Variants in EFCAB13 observed in about 807,000 individuals in gnomAD.
EFCAB13 encodes the protein EF-hand calcium-binding domain-containing protein 13.
A neutral mutation model predicts 110.2 loss-of-function variants in EFCAB13; 91 were observed. That is an observed-to-expected ratio of 0.83 (90% CI 0.70 to 0.98). The LOEUF (loss-of-function observed/expected upper bound fraction) is 0.98. Ranked by LOEUF, EFCAB13 falls within the 50% of genes least tolerant of loss-of-function variation. EFCAB13 has a pLI of 0.00. For synonymous variants in EFCAB13, 323 were observed against 369.9 expected, an observed-to-expected ratio of 0.87 and a Z score of 1.45; for missense variants, 968 against 1,119.4, an observed-to-expected ratio of 0.86 and a Z score of 1.93.
chr17:47,411,777 AATTG>A (rs1412048866), intron 21 of EFCAB13, among the ~76,000 whole-genome samples: 1 of 152,160 alleles, frequency 6.6e-6, no homozygotes, highest in African/African-American at 2.4e-5. Context: ...TTGAGGGAGA[AATTG>A]ATTGAGAAAT....
chr17:47,437,920 C>T (rs1683484244), intron 24 of EFCAB13, among the ~76,000 whole-genome samples: 1 of 151,928 alleles, frequency 6.6e-6, no homozygotes, highest in African/African-American at 2.4e-5. Flanking sequence ...GATGTGTTTC[C>T]AGGATTTGTT....
chr17:47,418,102 G>T (rs1158283786), intron 23 of EFCAB13, among the ~76,000 whole-genome samples: 2 of 152,134 alleles, frequency 1.3e-5, no homozygotes, highest in Non-Finnish European at 2.9e-5. Context: ...TCTAGAAAAA[G>T]AATTCTGGTT....
At position 47,370,238 on chromosome 17, in the gene EFCAB13, A is replaced by G. The variant is rs189254575; in HGVS notation, c.806-199A>G. On this transcript the variant is annotated intron_variant, in intron 10 of 24. Coordinates refer to ENST00000331493, the MANE Select transcript of EFCAB13 (RefSeq NM_152347.5). Reference sequence around the variant, plus strand: ...GATGAAAAACTCTTTTATTAAGGAGAAAAGACCATGGTCTTACTCTTATGT... The same window carrying G: ...GATGAAAAACTCTTTTATTAAGGAGGAAAGACCATGGTCTTACTCTTATGT... Among the ~76,000 whole-genome samples the G allele has an allele frequency of 2.9e-4, 44 of 152,330 alleles. No individual in the cohort carries two copies. The East Asian group carries it at 8.5e-3, about 29-fold the overall frequency.
intron 23 of EFCAB13, among the ~76,000 whole-genome samples, chr17:47,416,917 A>G (rs1904470801): frequency 1.3e-5 from 2 of 152,200 alleles, no homozygotes; most frequent in South Asian, 2.1e-4. Context: ...GGGTAAGTGG[A>G]TACTTTTGCT....
chr17:47,325,948 A>ATATATATATATG (rs1567776886), intron 2 of EFCAB13, among the ~76,000 whole-genome samples: 1 of 87,768 alleles, frequency 1.1e-5, no homozygotes, highest in East Asian at 3.4e-4. Flanking sequence ...ATATATATAT[A>ATATATATATATG]TATATATATA....
rs1255869334 is a variant in EFCAB13, at chr17:47,431,521, T to G, written c.2638+1560T>G. ...AAAATTTTTCTGATTTCTGTTGTCA[T>G]TTTTTCTTCAACTCATGGTTTTAGA... On this transcript the variant is annotated intron_variant, in intron 24 of 24. Coordinates refer to ENST00000331493, the MANE Select transcript of EFCAB13 (RefSeq NM_152347.5). The surrounding 1 kb of genome is among the most constrained non-coding windows in gnomAD (Gnocchi z 4.1). Among the ~76,000 whole-genome samples the G allele has an allele frequency of 2.0e-5, 3 of 152,052 alleles. No homozygotes were observed. Among genetic ancestry groups the G allele is most frequent in the Non-Finnish European group, 4.4e-5 (3 of 67,984 alleles).
intron 9 of EFCAB13, among the ~76,000 whole-genome samples, chr17:47,352,889 G>A (rs911758044): frequency 1.3e-5 from 2 of 152,142 alleles, no homozygotes; most frequent in Non-Finnish European, 2.9e-5. Context: ...CTTGATACTA[G>A]TGTATAGAAA....
intron 9 of EFCAB13, among the ~76,000 whole-genome samples, chr17:47,360,782 C>T (rs908503034): frequency 6.6e-6 from 1 of 151,968 alleles, no homozygotes; most frequent in African/African-American, 2.4e-5. Context: ...GTCTTTAATC[C>T]ATCTTGAATT....
At position 47,344,245 on chromosome 17, in the gene EFCAB13, C is replaced by T. The variant is rs774234656; in HGVS notation, c.387C>T (p.Ser129=). Residue 129 remains serine, a synonymous_variant, in exon 7 of 25, where the codon AGC becomes AGT. Transcript: ENST00000331493. ...TATGCAAGTTGCCGAATCAGTACAGCGTTCACAAGACTTCATCACCTCTTT... is the reference window on the plus strand; with the variant it reads ...TATGCAAGTTGCCGAATCAGTACAGTGTTCACAAGACTTCATCACCTCTTT... ...NSLCKLPNQY[S]VHKTSSPLCT... The T allele has an allele frequency of 5.0e-5, 81 of 1,612,860 alleles. No individual in the cohort carries two copies. In the East Asian group the frequency reaches 1.7e-3, roughly 34 times the overall value.
At chr17:47,406,268 T>C (rs1305222855) in intron 20 of EFCAB13, among the ~76,000 whole-genome samples, 1 of 152,076 alleles carries the variant, frequency 6.6e-6, no homozygotes, top group Non-Finnish European at 1.5e-5. Context: ...CACACCACCA[T>C]GCCTGGCTAA....
In EFCAB13 at chr17:47,335,075, C is replaced by A. The variant is rs769715689; in HGVS notation, c.31-121C>A. On this transcript the variant is annotated intron_variant, in intron 4 of 24. Transcript: ENST00000331493. ...GAGTAAAACCTTTTTCAACAAAATT[C>A]TCTTCGGTAGCACTATTTGAGAAAG... 234 of 1,125,544 alleles carry A rather than the reference C, an allele frequency of 2.1e-4. No individual in the cohort carries two copies. In the Middle Eastern group the frequency reaches 7.2e-3, roughly 35 times the overall value. The allele number at this position is 1,125,544 out of a possible 1,614,324, so 69.7% of individuals were successfully genotyped here.
rs1205363326 is a variant in EFCAB13, at chr17:47,391,416, A to G, written c.1583-21A>G. On this transcript the variant is annotated intron_variant, in intron 14 of 24. Coordinates refer to ENST00000331493, the MANE Select transcript of EFCAB13 (RefSeq NM_152347.5). ...TTTTGACTTATATTTAATACTTATT[A>G]GCATACTCCTTTATTTTTAGCGTTG... The G allele has an allele frequency of 4.6e-6, 7 of 1,508,426 alleles. No individual in the cohort carries two copies. In the South Asian group the frequency reaches 8.4e-5, roughly 18 times the overall value. The allele number at this position is 1,508,426 out of a possible 1,614,324, so 93.4% of individuals were successfully genotyped here. A position where few individuals can be genotyped will look rare whatever the true frequency, so the allele number is the denominator to read the frequency against.
At position 47,409,350 on chromosome 17, in the gene EFCAB13, C is replaced by T. The variant is rs542153455; in HGVS notation, c.2234-297C>T. Reference sequence around the variant, plus strand: ...TAATTAAGGATTTTATTGAATAGACCGGCTGGGGATTAACTTCTCCCCTTA... The same window carrying T: ...TAATTAAGGATTTTATTGAATAGACTGGCTGGGGATTAACTTCTCCCCTTA... On this transcript the variant is annotated intron_variant, in intron 20 of 24. Transcript: ENST00000331493. 366 of 288,274 alleles carry T rather than the reference C, an allele frequency of 1.3e-3. 1 individual carries two copies. In the Middle Eastern group the frequency reaches 0.017, roughly 13 times the overall value. The allele number at this position is 288,274 out of a possible 1,614,324, so 17.9% of individuals were successfully genotyped here.
chr17:47,430,728 C>A (rs551703910), intron 24 of EFCAB13: 1 of 152,066 alleles, frequency 6.6e-6, no homozygotes, highest in Non-Finnish European at 1.5e-5. Context: ...GTAATGCTAT[C>A]CTCATTTTAA....
At chr17:47,400,497 G>A (rs942177261) in intron 17 of EFCAB13, among the ~76,000 whole-genome samples, 15 of 152,138 alleles carry the variant, frequency 9.9e-5, no homozygotes, top group African/African-American at 3.6e-4. Flanking sequence ...GGGTCCCTTG[G>A]TAAACAGGTC....
At chr17:47,419,913 C>CCCCGCT (rs1555587917) in intron 23 of EFCAB13, among the ~76,000 whole-genome samples, 1 of 149,390 alleles carries the variant, frequency 6.7e-6, no homozygotes, top group Non-Finnish European at 1.5e-5. Flanking sequence ...TAAGAAATGT[C>CCCCGCT]CCCTCTCCCT....
Position 47,404,551 on chromosome 17 carries a change from T to C in EFCAB13, c.2162-11T>C, listed in dbSNP as rs1485245359. On this transcript the variant is annotated splice_polypyrimidine_tract_variant and intron_variant, in intron 19 of 24. Coordinates refer to ENST00000331493, the MANE Select transcript of EFCAB13 (RefSeq NM_152347.5). Reference sequence around the variant, plus strand: ...GGGTTCTTGTTTGTCATCTCTCTCTTTTCCTTGCAGAAGATAACATGGTGA... The same window carrying C: ...GGGTTCTTGTTTGTCATCTCTCTCTCTTCCTTGCAGAAGATAACATGGTGA... 1.2e-6 allele frequency: 2 copies of C among 1,609,546 alleles called. No homozygotes were observed. Among genetic ancestry groups the C allele is most frequent in the Non-Finnish European group, 1.7e-6 (2 of 1,177,720 alleles).
At chr17:47,358,178 G>A (rs913020706) in intron 9 of EFCAB13, among the ~76,000 whole-genome samples, 1 of 152,066 alleles carries the variant, frequency 6.6e-6, no homozygotes, top group African/African-American at 2.4e-5. Flanking sequence ...CTTTTTATAT[G>A]CACATACATA....
chr17:47,372,208 AT>A (rs145622764), intron 11 of EFCAB13, among the ~76,000 whole-genome samples: 3 of 149,454 alleles, frequency 2.0e-5, no homozygotes, highest in Non-Finnish European at 3.0e-5. Context: ...TTCTCTGTTG[AT>A]TTTTTTTTAC....
Sources: allele counts gnomAD v4.1 joint callset (sites outside exome capture counted in the v4.1 genomes callset), GRCh38; gene constraint gnomAD v4.1.1; non-coding constraint Gnocchi (gnomAD v3.1); transcripts MANE v1.5; gene names NCBI Gene and HGNC (gene_info 2026-07-23, HGNC 2026-07-21).